The following SERINC2 variants were observed in gnomAD, a reference collection of about 807,000 sequenced individuals.
The protein encoded by SERINC2 is serine incorporator 2.
Under a neutral mutation model 54.2 loss-of-function variants are expected in SERINC2, and 56 were observed. That is an observed-to-expected ratio of 1.03 (90% CI 0.83 to 1.29). SERINC2 has a LOEUF of 1.29. Among genes scored for constraint, SERINC2 ranks in the 50% most tolerant of loss-of-function variants. The pLI, the probability that SERINC2 is intolerant of heterozygous loss-of-function variation, is 0.00. For synonymous variants in SERINC2, 272 were observed against 253.1 expected (o/e 1.07, Z -0.71); for missense variants, 614 against 607.4 (o/e 1.01, Z -0.12).
At chr1:31,432,252 G>C (rs1254629387) in intron 8 of SERINC2, among the ~76,000 whole-genome samples, 2 of 151,796 alleles carry the variant, frequency 1.3e-5, no homozygotes, top group African/African-American at 4.9e-5. Context: ...CTCACAGCAA[G>C]GGGTGATTTC....
At chr1:31,416,333 G>A (rs551766094) in intron 1 of SERINC2, among the ~76,000 whole-genome samples, 1 of 152,318 alleles carries the variant, frequency 6.6e-6, no homozygotes, top group East Asian at 1.9e-4. Flanking sequence ...TAACTATAGA[G>A]CCTGGGCTCG....
Position 31,426,635 on chromosome 1 carries a change from C to G in SERINC2, c.611-19C>G, listed in dbSNP as rs782410387. The G allele has an allele frequency of 8.4e-5, 133 of 1,590,646 alleles. No homozygotes were observed. Among genetic ancestry groups the G allele is most frequent in the Non-Finnish European group, 1.1e-4 (132 of 1,162,864 alleles). On this transcript the variant is annotated intron_variant, in intron 5 of 9. Transcript: ENST00000373709. ...CTGCCCCACCCACTGCCTACCCTCT[C>G]ACTACCCCTCTGGCCCAGGCCTCTT...
intron 1 of SERINC2, chr1:31,415,971 C>T (rs553532303): frequency 8.5e-6 from 8 of 938,716 alleles, no homozygotes; most frequent in East Asian, 2.3e-4. Context: ...CCAGGCAAGC[C>T]GCCGGCACAT....
chr1:31,423,740 C>T lies in SERINC2; in HGVS notation c.87C>T (p.Cys29=), dbSNP rs1553133036. The part of the protein sequence containing the change: ...GSAPCILCSC[C]PASRNSTVSR... ...CCCCCTGCATCCTGTGCAGCTGCTG[C>T]CCCGCCAGCCGCAACTCCACCGTGA... The change falls in exon 2 of 10, where the codon TGC becomes TGT. Residue 29 remains cysteine, a synonymous_variant. Transcript: ENST00000373709. 2 of 1,612,788 alleles carry T rather than the reference C, an allele frequency of 1.2e-6. No homozygotes were observed. The highest frequency in any genetic ancestry group is 1.3e-5 in the African/African-American group (1 of 74,934).
intron 1 of SERINC2, among the ~76,000 whole-genome samples, chr1:31,417,090 C>A (rs1192252393): frequency 6.6e-6 from 1 of 152,122 alleles, no homozygotes; most frequent in Admixed American, 6.6e-5. Flanking sequence ...AAAAATTAAT[C>A]CCAAACGAAT....
Position 31,413,239 on chromosome 1 carries a change from G to GGGCGCCC in SERINC2, c.-25_-19dup, listed in dbSNP as rs1396102395. Reference sequence around the variant, plus strand: ...AGGTCCGCGCCCCGCGCCCGGCGCCGGGCGCCCGAAGCCGGGAGCCGCCGC... The same window carrying GGGCGCCC: ...AGGTCCGCGCCCCGCGCCCGGCGCCGGGCGCCCGGCGCCCGAAGCCGGGAGCCGCCGC... On this transcript the variant is annotated 5_prime_UTR_variant, in exon 1 of 10. Coordinates refer to ENST00000373709, the MANE Select transcript of SERINC2 (RefSeq NM_178865.5). This position sits in a 1 kb window ranked among gnomAD's most constrained non-coding sequence, Gnocchi z 5.0. 1 of 1,147,276 alleles carries GGGCGCCC rather than the reference G, an allele frequency of 8.7e-7. No homozygotes were observed. 71.1% of individuals were successfully genotyped at this position (1,147,276 alleles called of 1,614,324 possible). A position where few individuals can be genotyped will look rare whatever the true frequency, so the allele number is the denominator to read the frequency against.
At chr1:31,432,102 CAGGGTGGATAGGGTGGTTAGGGTGGAT>C (rs1557501281) in intron 8 of SERINC2, among the ~76,000 whole-genome samples, 167 of 13,106 alleles carry the variant, frequency 0.013, 8 homozygotes, top group Middle Eastern at 0.045. Context: ...ACAGGGTGGA[CAGGGTGGATAGGGTGGTTAGGGTGGAT>C]AGGGTGGACA....
rs74612225 is a variant in SERINC2 at position 31,429,523 on chromosome 1, G to A, written c.998G>A (p.Cys333Tyr). ...SIVGLIIFLL[C>Y]TLFISLRSSD... ...GTGGGCCTCATCATCTTCCTCCTGT[G>A]CACCCTCTTCATCAGGTATGGCCAG... Residue 333 changes from cysteine to tyrosine, a missense_variant, in exon 8 of 10, where the codon TGC becomes TAC. Transcript: ENST00000373709. 2 of 1,611,372 alleles carry A rather than the reference G, an allele frequency of 1.2e-6. No homozygotes were observed. Among genetic ancestry groups the A allele is most frequent in the African/African-American group, 1.3e-5 (1 of 75,016 alleles).
At chr1:31,426,286 CACA>C (rs1386560057) in intron 5 of SERINC2, among the ~76,000 whole-genome samples, 2 of 152,192 alleles carry the variant, frequency 1.3e-5, no homozygotes, top group African/African-American at 2.4e-5. Flanking sequence ...CAGTTCTGAA[CACA>C]ACGAGGAGAA....
intron 8 of SERINC2, among the ~76,000 whole-genome samples, chr1:31,431,902 GAT>G (rs1641243500): frequency 4.1e-5 from 6 of 147,648 alleles, no homozygotes; most frequent in Admixed American, 6.7e-5. Flanking sequence ...GGATAGGGTG[GAT>G]AGGGTGGATA....
chr1:31,431,705 CA>C (rs1355943731), intron 8 of SERINC2, among the ~76,000 whole-genome samples: 3 of 151,122 alleles, frequency 2.0e-5, no homozygotes, highest in African/African-American at 7.3e-5. Context: ...CAGGACCACC[CA>C]ATCTGGGCTC....
chr1:31,430,635 A>T (rs1276780151), intron 8 of SERINC2, among the ~76,000 whole-genome samples: 1 of 152,202 alleles, frequency 6.6e-6, no homozygotes, highest in Non-Finnish European at 1.5e-5. Context: ...TATTGTGAAC[A>T]TTTGCATAAT....
chr1:31,426,489 A>G (rs1464662485), intron 5 of SERINC2, among the ~76,000 whole-genome samples, 165 bp from the exon 6 acceptor site: 1 of 152,134 alleles, frequency 6.6e-6, no homozygotes, highest in Non-Finnish European at 1.5e-5. Flanking sequence ...GGGTGGGGCA[A>G]TGACTCACAA....
In SERINC2 at chr1:31,413,265, C is replaced by T; in HGVS notation, c.-1C>T. 3.2e-6 allele frequency: 4 copies of T among 1,238,892 alleles called. No individual in the cohort carries two copies. In the South Asian group the frequency reaches 9.5e-5, roughly 30 times the overall value. 76.7% of individuals were successfully genotyped at this position (1,238,892 alleles called of 1,614,324 possible). On this transcript the variant is annotated 5_prime_UTR_variant, in exon 1 of 10. Transcript: ENST00000373709. This position sits in a 1 kb window ranked among gnomAD's most constrained non-coding sequence, Gnocchi z 5.0. ...GGCGCCCGAAGCCGGGAGCCGCCGC[C>T]ATGGGGGCCTGCCTGGGAGCCTGCT...
intron 8 of SERINC2, among the ~76,000 whole-genome samples, chr1:31,432,662 A>AG (rs1388800820): frequency 6.6e-6 from 1 of 152,194 alleles, no homozygotes; most frequent in Non-Finnish European, 1.5e-5. Context: ...TTCTGTGCCA[A>AG]GCACTATGCT....
chr1:31,434,001 A>T, intron 9 of SERINC2, 63 bp from the exon 10 acceptor site: 1 of 1,562,998 alleles, frequency 6.4e-7, no homozygotes, highest in Non-Finnish European at 8.7e-7. Flanking sequence ...ACATAAGGCC[A>T]GGGGCCAAGA....
chr1:31,424,947 A>T lies in SERINC2; in HGVS notation c.392+74A>T, dbSNP rs1292146306. 4 of 1,296,358 alleles carry T rather than the reference A, an allele frequency of 3.1e-6. No individual in the cohort carries two copies. The African/African-American group carries it at 4.4e-5, about 14-fold the overall frequency. The allele number at this position is 1,296,358 out of a possible 1,614,324, so 80.3% of individuals were successfully genotyped here. On this transcript the variant is annotated intron_variant, in intron 3 of 9. Transcript: ENST00000373709. ...TGCCCGCTCCTCTGCCTGTCCAGGG[A>T]TCTGCAGACCCTACCCACCACTCAG... is the stretch of plus-strand genomic sequence containing the variant.
intron 8 of SERINC2, among the ~76,000 whole-genome samples, chr1:31,432,323 G>T (rs551456321): frequency 1.3e-5 from 2 of 151,714 alleles, no homozygotes; most frequent in Non-Finnish European, 2.9e-5. Context: ...GTTTGGAAAC[G>T]TGAGTTGGTT....
At chr1:31,416,737 T>G (rs1010399530) in intron 1 of SERINC2, among the ~76,000 whole-genome samples, 7 of 151,522 alleles carry the variant, frequency 4.6e-5, no homozygotes, top group African/African-American at 7.2e-5. Context: ...CTTTATTTTT[T>G]TGAGATGAAG....
Sources: allele counts gnomAD v4.1 joint callset (sites outside exome capture counted in the v4.1 genomes callset), GRCh38; gene constraint gnomAD v4.1.1; non-coding constraint Gnocchi (gnomAD v3.1); transcripts MANE v1.5; gene names NCBI Gene and HGNC (gene_info 2026-07-23, HGNC 2026-07-21).